The following MPHOSPH9 variants were observed in gnomAD, a reference collection of about 807,000 sequenced individuals.
The protein encoded by MPHOSPH9 is M-phase phosphoprotein 9.
Under a neutral mutation model 145.5 loss-of-function variants are expected in MPHOSPH9, and 88 were observed. The observed-to-expected ratio is 0.60, with a 90% CI of 0.51 to 0.72. The LOEUF (loss-of-function observed/expected upper bound fraction) is 0.72, where lower values mean the gene tolerates loss of function less well. Among genes scored for constraint, MPHOSPH9 ranks in the 30% least tolerant of loss-of-function variants. The probability of loss-of-function intolerance (pLI) is 0.00; values close to 1 mark genes in which losing one functional copy is unlikely to be tolerated. For synonymous variants in MPHOSPH9, 435 were observed against 486.2 expected (o/e 0.89, Z 1.39); for missense variants, 1,238 against 1,386.6 (o/e 0.89, Z 1.70).
intron 19 of MPHOSPH9, 105 bp downstream of exon 19, chr12:123,163,845 C>A: frequency 7.2e-7 from 1 of 1,390,332 alleles, no homozygotes; most frequent in Non-Finnish European, 1.0e-6. Context: ...CTACTAGGTG[C>A]TGAGGATACA....
chr12:123,205,564 C>T (rs1337861371), intron 8 of MPHOSPH9, among the ~76,000 whole-genome samples: 1 of 151,990 alleles, frequency 6.6e-6, no homozygotes, highest in Non-Finnish European at 1.5e-5. Context: ...AAAAGTACCA[C>T]AATTCCCATA....
rs1227185610 is a variant in MPHOSPH9, at chr12:123,194,293, T to TA, written c.2241+92dup. ...CAAAATAAATCAATAAATAATAAAATAAGCCTAGAAAGTCATAATCACTTG... is the reference window on the plus strand; with the variant it reads ...CAAAATAAATCAATAAATAATAAAATAAAGCCTAGAAAGTCATAATCACTTG... On this transcript the variant is annotated intron_variant, in intron 13 of 23. Coordinates refer to ENST00000606320, the MANE Select transcript of MPHOSPH9 (RefSeq NM_022782.4). The TA allele has an allele frequency of 9.0e-5, 71 of 784,942 alleles. No homozygotes were observed. The Admixed American group carries it at 1.2e-3, about 13-fold the overall frequency. 48.6% of individuals were successfully genotyped at this position (784,942 alleles called of 1,614,324 possible).
chr12:123,192,829 G>A (rs2045748958), intron 13 of MPHOSPH9, among the ~76,000 whole-genome samples: 1 of 151,128 alleles, frequency 6.6e-6, no homozygotes, highest in Non-Finnish European at 1.5e-5. Context: ...ACTGCTTCAG[G>A]CCTGTAATCC....
At chr12:123,172,284 C>A (rs2137997765) in intron 16 of MPHOSPH9, among the ~76,000 whole-genome samples, 1 of 152,060 alleles carries the variant, frequency 6.6e-6, no homozygotes, top group South Asian at 2.1e-4. Flanking sequence ...GCTTGTATTC[C>A]ATGAAAATTG....
At position 123,156,449 on chromosome 12, in the gene MPHOSPH9, T is replaced by G. The variant is rs2043868516; in HGVS notation, c.*358A>C. On this transcript the variant is annotated 3_prime_UTR_variant, in exon 24 of 24. Coordinates refer to ENST00000606320, the MANE Select transcript of MPHOSPH9 (RefSeq NM_022782.4). ...TTTAAAAACTGAATTGTATTTACAATGTAGAACAAGTCTATAAAATTGATG... is the reference window on the plus strand; with the variant it reads ...TTTAAAAACTGAATTGTATTTACAAGGTAGAACAAGTCTATAAAATTGATG... 6.1e-6 allele frequency: 1 copy of G among 165,194 alleles called. No homozygotes were observed. The highest frequency in any genetic ancestry group is 5.9e-5 in the Admixed American group (1 of 16,816). The allele number at this position is 165,194 out of a possible 1,614,324, so 10.2% of individuals were successfully genotyped here. A position where few individuals can be genotyped will look rare whatever the true frequency, so the allele number is the denominator to read the frequency against.
At chr12:123,236,359 T>G (rs527378867), upstream of MPHOSPH9, among the ~76,000 whole-genome samples, 1 of 151,992 alleles carries the variant, frequency 6.6e-6, no homozygotes, top group Non-Finnish European at 1.5e-5. Context: ...TTTGGGAGGC[T>G]GAGGCAGGAG....
chr12:123,235,128 A>G (rs558940822), upstream of MPHOSPH9, among the ~76,000 whole-genome samples: 1 of 152,312 alleles, frequency 6.6e-6, no homozygotes, highest in East Asian at 1.9e-4. Context: ...CTTGTAGTTG[A>G]GAGATCTGAC....
chr12:123,202,049 T>C, intron 11 of MPHOSPH9, 115 bp downstream of exon 11: 1 of 1,130,502 alleles, frequency 8.8e-7, no homozygotes, highest in Non-Finnish European at 1.2e-6. Flanking sequence ...TAGGCAAACA[T>C]GACTGTTAAA....
chr12:123,172,871 CTTTTTT>C (rs1161727056), intron 16 of MPHOSPH9, among the ~76,000 whole-genome samples: 24 of 57,962 alleles, frequency 4.1e-4, no homozygotes, highest in East Asian at 1.8e-3. Context: ...TTTTCATTCA[CTTTTTT>C]TTTTTTTTTT....
chr12:123,210,165 G>A lies in MPHOSPH9; in HGVS notation c.1088-3C>T. The A allele has an allele frequency of 1.3e-6, 2 of 1,568,986 alleles. No individual in the cohort carries two copies. Among genetic ancestry groups the A allele is most frequent in the Non-Finnish European group, 1.7e-6 (2 of 1,150,890 alleles). Reference sequence around the variant, plus strand: ...CTCTAGTTTCCAGTAAGTCAATCCTGATGTGCACAAACACACAGAATAGAA... The same window carrying A: ...CTCTAGTTTCCAGTAAGTCAATCCTAATGTGCACAAACACACAGAATAGAA... On this transcript the variant is annotated splice_region_variant and splice_polypyrimidine_tract_variant and intron_variant, in intron 7 of 23. Transcript: ENST00000606320.
rs1452786081 is a variant in MPHOSPH9 at position 123,230,450 on chromosome 12, G to C, written c.-86C>G. ...AAAATGAATCCGTGTCATCTTCAGA[G>C]GCTTCATCATCTACTGGCATTTTCA... On this transcript the variant is annotated 5_prime_UTR_variant, in exon 2 of 24. Coordinates refer to ENST00000606320, the MANE Select transcript of MPHOSPH9 (RefSeq NM_022782.4). 2.9e-6 allele frequency: 2 copies of C among 685,672 alleles called. No individual in the cohort carries two copies. The highest frequency in any genetic ancestry group is 2.5e-4 in the Middle Eastern group (1 of 4,074). 42.5% of individuals were successfully genotyped at this position (685,672 alleles called of 1,614,324 possible). A position where few individuals can be genotyped will look rare whatever the true frequency, so the allele number is the denominator to read the frequency against.
chr12:123,213,638 C>A (rs1386103072), intron 7 of MPHOSPH9, among the ~76,000 whole-genome samples: 5 of 152,142 alleles, frequency 3.3e-5, no homozygotes, highest in Admixed American at 6.6e-5. Flanking sequence ...TGTGCCCAGC[C>A]CATTTTCAAC....
chr12:123,181,956 CTT>C (rs941406957), intron 13 of MPHOSPH9, among the ~76,000 whole-genome samples: 4 of 146,582 alleles, frequency 2.7e-5, no homozygotes, highest in East Asian at 4.0e-4. Context: ...GGAACTATTA[CTT>C]TTTTTTTTTT....
At chr12:123,232,571 A>T (rs2047701730) in intron 1 of MPHOSPH9, among the ~76,000 whole-genome samples, 1 of 152,094 alleles carries the variant, frequency 6.6e-6, no homozygotes, top group Admixed American at 6.6e-5. Flanking sequence ...GGGGGAGAGG[A>T]AGAGATTTCA....
intron 12 of MPHOSPH9, 95 bp from the exon 13 acceptor site, chr12:123,194,696 A>G: frequency 1.2e-6 from 1 of 839,712 alleles, no homozygotes; most frequent in Non-Finnish European, 1.7e-6. Flanking sequence ...ATCTTGGCCT[A>G]CTGCAACCTC....
rs2046300321 is a variant in MPHOSPH9, at chr12:123,203,318, G to T, written c.1252C>A (p.Gln418Lys). 6.2e-7 allele frequency: 1 copy of T among 1,612,252 alleles called. No individual in the cohort carries two copies. The highest frequency in any genetic ancestry group is 8.5e-7 in the Non-Finnish European group (1 of 1,178,504). Residue 418 changes from glutamine to lysine, a missense_variant, in exon 9 of 24, where the codon CAA (glutamine) becomes AAA (lysine). By Grantham distance (53) the Gln-to-Lys change is moderately conservative. This residue lies in a region of MPHOSPH9 where 837 missense variants were observed against 897.5 expected (regional missense o/e 0.93). Transcript: ENST00000606320. The part of the protein sequence containing the change: ...PSLKDIYYKK[Q>K]RENKQLPERN... ...TCAGGTAACTGCTTGTTTTCCCTTT[G>T]TTTTTTATAATAAATATCCTTCAGT...
chr12:123,207,353 C>G (rs370691641), intron 8 of MPHOSPH9, among the ~76,000 whole-genome samples: 2 of 151,912 alleles, frequency 1.3e-5, no homozygotes, highest in Non-Finnish European at 2.9e-5. Flanking sequence ...ATCTTACCCC[C>G]CTCATACTTC....
intron 1 of MPHOSPH9, chr12:123,240,777 A>T: frequency 7.9e-6 from 1 of 127,022 alleles, no homozygotes; most frequent in African/African-American, 3.2e-5. Context: ...TCTGTACCCC[A>T]GGCTGGAGTG....
upstream of MPHOSPH9, among the ~76,000 whole-genome samples, chr12:123,236,542 C>T (rs572473293): frequency 1.3e-5 from 2 of 151,136 alleles, no homozygotes; most frequent in Non-Finnish European, 2.9e-5. Context: ...TGCACTGAGC[C>T]ATTTTTATGC....
Sources: allele counts gnomAD v4.1 joint callset (sites outside exome capture counted in the v4.1 genomes callset), GRCh38; gene constraint gnomAD v4.1.1; regional missense constraint gnomAD v4.1.1; transcripts MANE v1.5; gene names NCBI Gene and HGNC (gene_info 2026-07-23, HGNC 2026-07-21).